CTNNA2: variants seen among roughly 807,000 people sequenced by gnomAD.
The protein encoded by CTNNA2 is catenin alpha-2.
A neutral mutation model predicts 101.0 loss-of-function variants in CTNNA2; 42 were observed. The ratio of observed to expected loss-of-function variants is 0.42; its 90% confidence interval spans 0.32 to 0.54. CTNNA2 has a LOEUF of 0.54. CTNNA2 is among the 20% of genes least tolerant of loss of function. CTNNA2 has a pLI of 0.14. For missense variants in CTNNA2, 871 were observed against 1,223.1 expected (o/e 0.71, Z 4.29); for synonymous variants, 450 against 456.4 (o/e 0.99, Z 0.18).
At chr2:79,477,287 C>T (rs1671060774) in intron 4 of CTNNA2, among the ~76,000 whole-genome samples, 2 of 151,590 alleles carry the variant, frequency 1.3e-5, no homozygotes, top group South Asian at 4.2e-4. Flanking sequence ...TCTCCTACCT[C>T]AGCCTCCCAA....
intron 8 of CTNNA2, among the ~76,000 whole-genome samples, 193 bp downstream of exon 8, chr2:80,393,484 G>A (rs949604108): frequency 2.0e-5 from 3 of 152,148 alleles, no homozygotes; most frequent in South Asian, 2.1e-4. Context: ...TGCAAGCAAG[G>A]AGACAGTTCC....
intron 9 of CTNNA2, among the ~76,000 whole-genome samples, chr2:80,434,166 T>C (rs539427156): frequency 1.3e-5 from 2 of 152,228 alleles, no homozygotes; most frequent in South Asian, 4.1e-4. Flanking sequence ...TTCTTTAGCC[T>C]ATCTTGGAGA....
At chr2:79,855,104 C>A (rs1216023109) in intron 3 of CTNNA2, among the ~76,000 whole-genome samples, 1 of 152,182 alleles carries the variant, frequency 6.6e-6, no homozygotes, top group East Asian at 1.9e-4. Context: ...TGAATGAAAT[C>A]ATCTTCTATT....
At chr2:79,383,099 A>G (rs1437119916) in intron 4 of CTNNA2, among the ~76,000 whole-genome samples, 2 of 152,212 alleles carry the variant, frequency 1.3e-5, no homozygotes, top group Admixed American at 1.3e-4. Flanking sequence ...TATCCAATAT[A>G]TGAAAAAGCA....
intron 7 of CTNNA2, among the ~76,000 whole-genome samples, chr2:80,342,754 C>A (rs2149281400): frequency 6.6e-6 from 1 of 152,260 alleles, no homozygotes; most frequent in Admixed American, 6.5e-5. Context: ...GACCTCAATT[C>A]TATTTACTAA....
rs372255090 is a variant in CTNNA2, at chr2:79,617,742, C to T, written c.-5-33810C>T. 1.4e-4 allele frequency among the ~76,000 whole-genome samples: 21 copies of T among 152,176 alleles called. No homozygotes were observed. In the East Asian group the frequency reaches 2.7e-3, roughly 20 times the overall value. On this transcript the variant is annotated intron_variant, in intron 1 of 18. Transcript: ENST00000402739. ...GTAAAATCATGAGGCTTTTCCTATT[C>T]GTTAATGAGAAGCCTGGAGGAAAGC...
chr2:79,690,713 A>G (rs1442674277), intron 2 of CTNNA2, among the ~76,000 whole-genome samples: 1 of 151,994 alleles, frequency 6.6e-6, no homozygotes, highest in Non-Finnish European at 1.5e-5. Context: ...TCACACAGAG[A>G]ACAGGTGGTG....
At chr2:80,513,174 T>G (rs772354261) in intron 9 of CTNNA2, among the ~76,000 whole-genome samples, 5 of 152,188 alleles carry the variant, frequency 3.3e-5, no homozygotes, top group Non-Finnish European at 7.3e-5. Context: ...AGGGGGGTCC[T>G]ACACATTAAT....
chr2:80,156,172 G>C (rs946076183), intron 7 of CTNNA2, among the ~76,000 whole-genome samples: 3 of 152,140 alleles, frequency 2.0e-5, no homozygotes, highest in African/African-American at 7.2e-5. Flanking sequence ...TCCTCTTGAT[G>C]ATTTGCCTCT....
intron 1 of CTNNA2, chr2:79,634,445 G>A (rs1301644113): frequency 6.6e-6 from 1 of 152,184 alleles, no homozygotes; most frequent in Non-Finnish European, 1.5e-5. Flanking sequence ...TCTCCCTCAT[G>A]TAATTGGTTC....
chr2:79,947,893 A>G (rs1688612370), intron 7 of CTNNA2, among the ~76,000 whole-genome samples: 1 of 152,180 alleles, frequency 6.6e-6, no homozygotes, highest in Non-Finnish European at 1.5e-5. Context: ...TTAAAGAGGC[A>G]GATTTGATAA....
chr2:80,098,940 C>G (rs200682677), intron 7 of CTNNA2, among the ~76,000 whole-genome samples: 2 of 152,112 alleles, frequency 1.3e-5, no homozygotes, highest in Admixed American at 1.3e-4. Context: ...AATTCCCTGA[C>G]CCCTTGCACT....
chr2:80,302,700 G>T lies in CTNNA2; in HGVS notation c.1057-90511G>T. The T allele has an allele frequency of 6.2e-7, 1 of 1,612,634 alleles. No homozygotes were observed. The highest frequency in any genetic ancestry group is 8.5e-7 in the Non-Finnish European group (1 of 1,179,756). Reference sequence around the variant, plus strand: ...CTGCGGTTGGTGACGGCCGAGAGCAGGTGGCCGCTGGTGGGCTCGGCCCCA... The same window carrying T: ...CTGCGGTTGGTGACGGCCGAGAGCATGTGGCCGCTGGTGGGCTCGGCCCCA... On this transcript the variant is annotated intron_variant, in intron 7 of 18. Transcript: ENST00000402739. This position sits in a 1 kb window ranked among gnomAD's most constrained non-coding sequence, Gnocchi z 6.4.
intron 3 of CTNNA2, among the ~76,000 whole-genome samples, chr2:79,749,678 C>A (rs1334782018): frequency 1.3e-5 from 2 of 152,138 alleles, no homozygotes; most frequent in African/African-American, 2.4e-5. Context: ...GCTAAGATAT[C>A]CAACTTCTAA....
intron 8 of CTNNA2, among the ~76,000 whole-genome samples, chr2:80,407,430 C>T (rs1015720631): frequency 1.3e-5 from 2 of 152,220 alleles, no homozygotes; most frequent in Non-Finnish European, 2.9e-5. Context: ...GAACAGGCAT[C>T]AGCCAATTAC....
chr2:80,353,851 C>G (rs1337045704), intron 7 of CTNNA2, among the ~76,000 whole-genome samples: 1 of 152,082 alleles, frequency 6.6e-6, no homozygotes, highest in African/African-American at 2.4e-5. Context: ...ATCTTAGTGG[C>G]TTGAATTAAT....
chr2:80,541,428 T>C (rs1292419890), intron 9 of CTNNA2, among the ~76,000 whole-genome samples: 1 of 152,110 alleles, frequency 6.6e-6, no homozygotes, highest in Non-Finnish European at 1.5e-5. Flanking sequence ...TTGCCAAGCA[T>C]TGCTAGCTTG....
At chr2:80,398,819 A>C (rs531158967) in intron 8 of CTNNA2, among the ~76,000 whole-genome samples, 10 of 149,328 alleles carry the variant, frequency 6.7e-5, no homozygotes, top group African/African-American at 2.5e-4. Context: ...GTGAGTTGAG[A>C]TCACACCCCT....
At chr2:80,243,922 A>G (rs377523537) in intron 7 of CTNNA2, among the ~76,000 whole-genome samples, 2 of 152,178 alleles carry the variant, frequency 1.3e-5, no homozygotes, top group African/African-American at 2.4e-5. Flanking sequence ...ATTCCTCCAC[A>G]TCCTGGCTGG....
Sources: allele counts gnomAD v4.1 joint callset (sites outside exome capture counted in the v4.1 genomes callset), GRCh38; gene constraint gnomAD v4.1.1; non-coding constraint Gnocchi (gnomAD v3.1); transcripts MANE v1.5; gene names NCBI Gene and HGNC (gene_info 2026-07-23, HGNC 2026-07-21).